The following NPAS2 variants were observed in gnomAD, a reference collection of about 807,000 sequenced individuals.
NPAS2 encodes neuronal PAS domain-containing protein 2.
A neutral mutation model predicts 107.5 loss-of-function variants in NPAS2; 23 were observed. The observed-to-expected ratio is 0.21, with a 90% CI of 0.15 to 0.30. The LOEUF (loss-of-function observed/expected upper bound fraction) is 0.30, where lower values mean the gene tolerates loss of function less well. Among genes scored for constraint, NPAS2 ranks in the 10% least tolerant of loss-of-function variants. The probability of loss-of-function intolerance (pLI) is 1.00; values close to 1 mark genes in which losing one functional copy is unlikely to be tolerated. For missense variants in NPAS2, 756 were observed against 1,043.3 expected (o/e 0.72, Z 3.79); for synonymous variants, 403 against 417.5 (o/e 0.97, Z 0.42).
intron 1 of NPAS2, among the ~76,000 whole-genome samples, chr2:100,885,963 C>T (rs1373292089): frequency 1.3e-5 from 2 of 152,176 alleles, no homozygotes; most frequent in Non-Finnish European, 2.9e-5. Context: ...ACCCGGCTAG[C>T]CAATTTATTT....
intron 3 of NPAS2, among the ~76,000 whole-genome samples, chr2:100,931,414 C>G (rs534015182): frequency 2.2e-4 from 33 of 151,576 alleles, no homozygotes; most frequent in Non-Finnish European, 4.1e-4. Flanking sequence ...CTGGTGGAGA[C>G]GAGCACTGCT....
intron 1 of NPAS2, among the ~76,000 whole-genome samples, chr2:100,895,376 T>C (rs1016857079): frequency 7.2e-5 from 11 of 152,196 alleles, no homozygotes; most frequent in Admixed American, 3.3e-4. Context: ...CACTTTGCAG[T>C]TGGGGAGCTA....
At chr2:100,890,097 A>G (rs926565393) in intron 1 of NPAS2, among the ~76,000 whole-genome samples, 4 of 152,160 alleles carry the variant, frequency 2.6e-5, no homozygotes, top group Admixed American at 6.5e-5. Flanking sequence ...TTCTGTGTGC[A>G]TACTGTATGA....
intron 7 of NPAS2, among the ~76,000 whole-genome samples, chr2:100,957,770 C>T (rs576744332): frequency 2.2e-4 from 34 of 152,004 alleles, no homozygotes; most frequent in African/African-American, 7.5e-4. Context: ...GCTAAAAATA[C>T]AGAAAAAATT....
intron 15 of NPAS2, 133 bp downstream of exon 15, chr2:100,977,932 G>A: frequency 1.4e-6 from 1 of 732,454 alleles, no homozygotes; most frequent in South Asian, 1.6e-5. Flanking sequence ...ATGTGTGTGT[G>A]GCCTGTGTCG....
chr2:100,992,529 TTG>T (rs1196343314), intron 19 of NPAS2, among the ~76,000 whole-genome samples: 1 of 152,204 alleles, frequency 6.6e-6, no homozygotes, highest in Non-Finnish European at 1.5e-5. Flanking sequence ...CTAGATCTGT[TTG>T]TTTAAAAGTG....
intron 5 of NPAS2, among the ~76,000 whole-genome samples, chr2:100,942,588 G>A (rs1203583328): frequency 2.0e-5 from 3 of 152,056 alleles, no homozygotes. Context: ...CATATGTTCA[G>A]TATTAAATTG....
rs76058242 is a variant in NPAS2 at position 100,904,081 on chromosome 2, G to T, written c.-22-652G>T. On this transcript the variant is annotated intron_variant, in intron 1 of 20. Transcript: ENST00000335681. Reference sequence around the variant, plus strand: ...GTAAACGCCCTAAGGGAGGAACTGCGGATTACACTCCTTTGGGGCTGATTC... The same window carrying T: ...GTAAACGCCCTAAGGGAGGAACTGCTGATTACACTCCTTTGGGGCTGATTC... 7.9e-5 allele frequency among the ~76,000 whole-genome samples: 12 copies of T among 152,228 alleles called. No homozygotes were observed. The East Asian group carries it at 2.3e-3, about 29-fold the overall frequency.
intron 14 of NPAS2, 28 bp downstream of exon 14, chr2:100,975,595 C>T (rs373094333): frequency 1.0e-5 from 16 of 1,524,970 alleles, no homozygotes; most frequent in African/African-American, 1.4e-5. Context: ...AACTCCTCCA[C>T]GGGTGTACGC....
intron 12 of NPAS2, among the ~76,000 whole-genome samples, chr2:100,971,997 A>C (rs994208493): frequency 1.4e-5 from 2 of 147,278 alleles, no homozygotes; most frequent in Non-Finnish European, 3.0e-5. Context: ...GCTGGAGTGC[A>C]GTGGTGCAAT....
intron 1 of NPAS2, among the ~76,000 whole-genome samples, chr2:100,823,945 A>G (rs1676221415): frequency 6.6e-6 from 1 of 152,152 alleles, no homozygotes; most frequent in Admixed American, 6.5e-5. Context: ...TTGAAGTCAG[A>G]CAGACCTGGG....
In NPAS2 at chr2:100,904,728, TGC is replaced by T. The variant is rs1682026675; in HGVS notation, c.-22-4_-22-3del. 7.0e-7 allele frequency: 1 copy of T among 1,435,002 alleles called. No individual in the cohort carries two copies. The highest frequency in any genetic ancestry group is 2.0e-5 in the Admixed American group (1 of 48,850). The allele number at this position is 1,435,002 out of a possible 1,614,324, so 88.9% of individuals were successfully genotyped here. On this transcript the variant is annotated splice_polypyrimidine_tract_variant and splice_region_variant and intron_variant, in intron 1 of 20. Coordinates refer to ENST00000335681, the MANE Select transcript of NPAS2 (RefSeq NM_002518.4). ...TCTTTTTAATTTTTTTTTTTTTTTTTGCAGGAAAAACTGCATAGAAAATCTAA... is the reference window on the plus strand; with the variant it reads ...TCTTTTTAATTTTTTTTTTTTTTTTTAGGAAAAACTGCATAGAAAATCTAA...
intron 16 of NPAS2, chr2:100,982,756 A>G (rs1484452665): frequency 1.9e-5 from 4 of 213,200 alleles, no homozygotes; most frequent in Non-Finnish European, 3.7e-5. Context: ...CCAGGCTGCC[A>G]TCAGGAGGAG....
intron 12 of NPAS2, among the ~76,000 whole-genome samples, chr2:100,974,524 G>A (rs1023041337): frequency 5.3e-5 from 8 of 152,172 alleles, no homozygotes; most frequent in African/African-American, 1.9e-4. Flanking sequence ...CAATGTTGAG[G>A]AAATAATAAA....
chr2:100,907,489 AACACACACACACACAC>A (rs55951417), intron 2 of NPAS2, among the ~76,000 whole-genome samples: 2 of 144,678 alleles, frequency 1.4e-5, no homozygotes, highest in Admixed American at 6.9e-5. Flanking sequence ...AACACTTGGG[AACACACACACACACAC>A]ACACACACAC....
chr2:100,941,443 G>A (rs921985544), intron 5 of NPAS2, among the ~76,000 whole-genome samples: 1 of 152,110 alleles, frequency 6.6e-6, no homozygotes, highest in Non-Finnish European at 1.5e-5. Flanking sequence ...CATGCCTGTA[G>A]TCTTAGCTAC....
Position 100,988,091 on chromosome 2 carries a change from C to G in NPAS2, c.1642C>G (p.Gln548Glu). ...QDSNVQMFLQ[Q>E]PAVSLSFSST... Reference sequence around the variant, plus strand: ...ATTCTGCTCCCAGATGTTCCTGCAGCAGCCAGCTGTATCCCTGAGCTTCAG... The same window carrying G: ...ATTCTGCTCCCAGATGTTCCTGCAGGAGCCAGCTGTATCCCTGAGCTTCAG... The change falls in exon 17 of 21, where the codon CAG (glutamine) becomes GAG (glutamate). Residue 548 changes from glutamine to glutamate, a missense_variant. Around this residue, in one of 4 missense-constraint regions of NPAS2, gnomAD observed 496 missense variants for 594.4 expected, o/e 0.83. Transcript: ENST00000335681. The G allele has an allele frequency of 6.2e-7, 1 of 1,613,992 alleles. No individual in the cohort carries two copies. The highest frequency in any genetic ancestry group is 1.3e-5 in the African/African-American group (1 of 75,066).
At chr2:100,963,493 C>A (rs1450134753) in intron 7 of NPAS2, among the ~76,000 whole-genome samples, 1 of 152,090 alleles carries the variant, frequency 6.6e-6, no homozygotes, top group Non-Finnish European at 1.5e-5. Flanking sequence ...GCAACCTCCG[C>A]CTCCCAGGTT....
At chr2:100,874,389 G>C (rs1229927373) in intron 1 of NPAS2, among the ~76,000 whole-genome samples, 1 of 152,144 alleles carries the variant, frequency 6.6e-6, no homozygotes, top group Non-Finnish European at 1.5e-5. Flanking sequence ...CAAGGTGGAG[G>C]CATAGTCTCT....
Sources: gnomAD v4.1 joint callset for allele counts (sites outside exome capture counted in the v4.1 genomes callset) on GRCh38, gnomAD v4.1.1 for gene constraint, gnomAD v4.1.1 regional missense constraint, MANE v1.5 for transcripts, NCBI Gene and HGNC (gene_info 2026-07-23, HGNC 2026-07-21) for gene names.